Variants in SLC8A1 observed in about 807,000 individuals in gnomAD.
SLC8A1 encodes the protein solute carrier family 8 member A1, also known as sodium/calcium exchanger 1.
A neutral mutation model predicts 68.3 loss-of-function variants in SLC8A1; 18 were observed. That is an observed-to-expected ratio of 0.26 (90% confidence interval 0.18 to 0.39). The LOEUF is 0.39. Among genes scored for constraint, SLC8A1 ranks in the 10% least tolerant of loss-of-function variants. The pLI is 1.00. For missense variants in SLC8A1, 985 were observed against 1,156.7 expected (o/e 0.85, Z 2.15); for synonymous variants, 475 against 415.5 (o/e 1.14, Z -1.74).
rs371153033 is a variant in SLC8A1, at chr2:40,104,541, G to A, written c.*10712C>T. On this transcript the variant is annotated 3_prime_UTR_variant, in exon 8 of 8. Transcript: ENST00000406785. Reference sequence around the variant, plus strand: ...AAGTTTCTTGATAGGTTTCAAAATGGCCCCATTAAGCAATCTCAAATTGAT... The same window carrying A: ...AAGTTTCTTGATAGGTTTCAAAATGACCCCATTAAGCAATCTCAAATTGAT... The A allele has an allele frequency of 2.0e-5, 3 of 152,080 alleles. No individual in the cohort carries two copies. The East Asian group carries it at 5.8e-4, about 29-fold the overall frequency. The allele number at this position is 152,080 out of a possible 1,614,324, so 9.4% of individuals were successfully genotyped here. A position where few individuals can be genotyped will look rare whatever the true frequency, so the allele number is the denominator to read the frequency against.
At chr2:40,338,366 C>T (rs77894500) in intron 2 of SLC8A1, among the ~76,000 whole-genome samples, 3,962 of 152,206 alleles carry the variant, frequency 0.026, 65 homozygotes, top group Middle Eastern at 0.054. Flanking sequence ...TGTATACATA[C>T]ATGTGTATGA....
At chr2:40,374,017 C>T (rs564160283) in intron 2 of SLC8A1, among the ~76,000 whole-genome samples, 1 of 152,244 alleles carries the variant, frequency 6.6e-6, no homozygotes, top group Admixed American at 6.5e-5. Flanking sequence ...TTGCCTGACC[C>T]AGTGTGAAAC....
intron 2 of SLC8A1, among the ~76,000 whole-genome samples, chr2:40,241,411 G>T (rs577906135): frequency 4.1e-4 from 63 of 152,212 alleles, no homozygotes; most frequent in Non-Finnish European, 7.9e-4. Flanking sequence ...TGAATGACGA[G>T]ATCCACACCC....
intron 2 of SLC8A1, among the ~76,000 whole-genome samples, chr2:40,308,321 T>G (rs1461165000): frequency 6.6e-6 from 1 of 152,220 alleles, no homozygotes; most frequent in African/African-American, 2.4e-5. Flanking sequence ...AATCACTACT[T>G]TACTGGGTTA....
At chr2:40,206,922 G>A (rs960496520) in intron 2 of SLC8A1, among the ~76,000 whole-genome samples, 4 of 151,990 alleles carry the variant, frequency 2.6e-5, no homozygotes, top group African/African-American at 9.7e-5. Context: ...GTGAATTCAT[G>A]TGGAAAAAAC....
chr2:40,404,032 A>C (rs1013235070), intron 2 of SLC8A1, among the ~76,000 whole-genome samples: 3 of 152,236 alleles, frequency 2.0e-5, no homozygotes, highest in African/African-American at 7.2e-5. Context: ...TATTAACCTT[A>C]GACTATCAAG....
At chr2:40,432,206 A>G (rs1327696181) in intron 1 of SLC8A1, among the ~76,000 whole-genome samples, 2 of 151,924 alleles carry the variant, frequency 1.3e-5, no homozygotes, top group East Asian at 1.9e-4. Flanking sequence ...CATGCTTAAT[A>G]TGTATTTTAG....
At chr2:40,342,960 G>T (rs1471984414) in intron 2 of SLC8A1, among the ~76,000 whole-genome samples, 2 of 152,108 alleles carry the variant, frequency 1.3e-5, no homozygotes, top group Admixed American at 1.3e-4. Context: ...TACAATAAGA[G>T]ATGGTAACCA....
intron 2 of SLC8A1, among the ~76,000 whole-genome samples, chr2:40,340,642 T>G (rs896096962): frequency 1.3e-5 from 2 of 151,986 alleles, no homozygotes; most frequent in African/African-American, 4.8e-5. Context: ...AGGTTTAGGG[T>G]TAGGATTTTT....
chr2:40,351,250 CTGAATAAA>C (rs1670989374), intron 2 of SLC8A1, among the ~76,000 whole-genome samples: 1 of 152,106 alleles, frequency 6.6e-6, no homozygotes, highest in South Asian at 2.1e-4. Context: ...TAAACTCTCA[CTGAATAAA>C]TGAACAAATA....
At chr2:40,348,679 G>C (rs1196128971) in intron 2 of SLC8A1, among the ~76,000 whole-genome samples, 1 of 152,066 alleles carries the variant, frequency 6.6e-6, no homozygotes, top group Non-Finnish European at 1.5e-5. Flanking sequence ...CGGGGTCTCA[G>C]GGCAGCTAGT....
chr2:40,367,643 C>G (rs1676684404), intron 2 of SLC8A1, among the ~76,000 whole-genome samples: 1 of 152,006 alleles, frequency 6.6e-6, no homozygotes, highest in Non-Finnish European at 1.5e-5. Flanking sequence ...TGTTCGCCAT[C>G]TCATCTAGAT....
chr2:40,205,475 C>A (rs1469480459), intron 2 of SLC8A1, among the ~76,000 whole-genome samples: 5 of 151,888 alleles, frequency 3.3e-5, no homozygotes, highest in African/African-American at 1.2e-4. Flanking sequence ...TTTTCTTTAT[C>A]CAGTCTATCA....
intron 2 of SLC8A1, among the ~76,000 whole-genome samples, chr2:40,249,686 A>G (rs972799406): frequency 2.6e-5 from 4 of 152,222 alleles, no homozygotes; most frequent in Non-Finnish European, 5.9e-5. Context: ...ATCAATTTGA[A>G]TAAGTGCAAT....
chr2:40,153,284 C>G (rs2043801866), intron 6 of SLC8A1, among the ~76,000 whole-genome samples: 1 of 152,134 alleles, frequency 6.6e-6, no homozygotes, highest in Non-Finnish European at 1.5e-5. Context: ...AGACAACTCA[C>G]AAGGTCATCT....
intron 2 of SLC8A1, among the ~76,000 whole-genome samples, chr2:40,423,268 T>C (rs1213143690): frequency 6.6e-6 from 1 of 152,088 alleles, no homozygotes; most frequent in Non-Finnish European, 1.5e-5. Flanking sequence ...TAAATTATGC[T>C]TTTGTCCTCC....
At chr2:40,427,666 C>T (rs1012125826) in intron 2 of SLC8A1, among the ~76,000 whole-genome samples, 16 of 152,132 alleles carry the variant, frequency 1.1e-4, no homozygotes, top group Middle Eastern at 3.2e-3. Context: ...CTTCATATTA[C>T]TACATGAGCA....
chr2:40,273,434 G>C (rs891169023), intron 2 of SLC8A1, among the ~76,000 whole-genome samples: 1 of 152,118 alleles, frequency 6.6e-6, no homozygotes, highest in Non-Finnish European at 1.5e-5. Flanking sequence ...AGAAGTCTAA[G>C]ATGAAGCTTC....
intron 2 of SLC8A1, among the ~76,000 whole-genome samples, chr2:40,282,393 C>G (rs948336584): frequency 6.6e-6 from 1 of 152,174 alleles, no homozygotes; most frequent in Non-Finnish European, 1.5e-5. Context: ...AAGACTGTCT[C>G]TTCTGTATCT....
Sources: gnomAD v4.1 joint callset for allele counts (sites outside exome capture counted in the v4.1 genomes callset) on GRCh38, gnomAD v4.1.1 for gene constraint, MANE v1.5 for transcripts, NCBI Gene and HGNC (gene_info 2026-07-23, HGNC 2026-07-21) for gene names.